KMT2E: variants seen among roughly 807,000 people sequenced by gnomAD.
The protein encoded by KMT2E is histone reader KMT2E.
KMT2E carries 30 observed loss-of-function variants against 184.6 expected under a neutral mutation model. The ratio of observed to expected loss-of-function variants is 0.16; its 90% confidence interval spans 0.12 to 0.22. KMT2E has a LOEUF of 0.22. Ranked by LOEUF, KMT2E falls within the 10% of genes least tolerant of loss-of-function variation. The pLI, the probability that KMT2E is intolerant of heterozygous loss-of-function variation, is 1.00. For synonymous variants in KMT2E, 815 were observed against 776.5 expected, an observed-to-expected ratio of 1.05 and a Z score of -0.82; for missense variants, 2,023 against 2,237.4, an observed-to-expected ratio of 0.90 and a Z score of 1.93.
At chr7:105,086,314 C>T (rs1797962069) in intron 13 of KMT2E, among the ~76,000 whole-genome samples, 2 of 152,282 alleles carry the variant, frequency 1.3e-5, no homozygotes, top group African/African-American at 4.8e-5. Context: ...AGTGGAATTG[C>T]TGGGTTGTAG....
chr7:105,081,614 T>A, intron 12 of KMT2E, 74 bp from the exon 13 acceptor site: 1 of 773,732 alleles, frequency 1.3e-6, no homozygotes, highest in South Asian at 1.5e-5. Flanking sequence ...AAAGAATAAT[T>A]TTCAAAATTG....
intron 3 of KMT2E, 36 bp downstream of exon 3, chr7:105,041,059 A>T: frequency 7.5e-7 from 1 of 1,340,168 alleles, no homozygotes; most frequent in South Asian, 1.3e-5. Context: ...GCAAAAAAAA[A>T]AAAAAAACCC....
intron 6 of KMT2E, among the ~76,000 whole-genome samples, chr7:105,072,327 A>C (rs139900827): frequency 2.0e-5 from 3 of 152,318 alleles, no homozygotes; most frequent in African/African-American, 7.2e-5. Flanking sequence ...CTCCGTCTCA[A>C]AAAACAAAAC....
chr7:105,044,038 C>T (rs778714121), intron 3 of KMT2E, among the ~76,000 whole-genome samples: 14 of 152,298 alleles, frequency 9.2e-5, no homozygotes, highest in Admixed American at 3.9e-4. Context: ...TTCCAGGCTG[C>T]AGTGAGCCAT....
At chr7:105,081,183 C>A (rs984531429) in intron 12 of KMT2E, among the ~76,000 whole-genome samples, 2 of 151,968 alleles carry the variant, frequency 1.3e-5, no homozygotes, top group Non-Finnish European at 2.9e-5. Context: ...AGATTGAGAC[C>A]ATCCTGGCTA....
chr7:105,114,380 A>AAAAT lies in KMT2E; in HGVS notation c.*1049_*1052dup, dbSNP rs1302158045. ...GAATACAAGGTACAACAACTGTTTGAAAATATGGGTAGTTTGCCCAAAACA... is the reference window on the plus strand; with the variant it reads ...GAATACAAGGTACAACAACTGTTTGAAAATAAATATGGGTAGTTTGCCCAAAACA... On this transcript the variant is annotated 3_prime_UTR_variant, in exon 27 of 27. Transcript: ENST00000311117. The AAAAT allele has an allele frequency of 9.9e-5, 15 of 152,220 alleles. No homozygotes were observed. The highest frequency in any genetic ancestry group is 3.1e-4 in the African/African-American group (13 of 41,488). 9.4% of individuals were successfully genotyped at this position (152,220 alleles called of 1,614,324 possible). A position where few individuals can be genotyped will look rare whatever the true frequency, so the allele number is the denominator to read the frequency against.
At position 105,112,351 on chromosome 7, in the gene KMT2E, G is replaced by A. The variant is rs74959149; in HGVS notation, c.4595G>A (p.Ser1532Asn). The change falls in exon 27 of 27, where the codon AGT (serine) becomes AAT (asparagine). Residue 1532 changes from serine (S) to asparagine (N), a missense_variant. Around this residue, in one of 8 missense-constraint regions of KMT2E, gnomAD observed 1,108 missense variants for 1,050.9 expected, o/e 1.05. Transcript: ENST00000311117. ...TPSGQSSATY[S>N]QFNQQSLNST... ...TCAGGACAATCTTCAGCAACATACA[G>A]TCAGTTTAACCAACAAAGTCTGAAC... 0.014 allele frequency: 23,020 copies of A among 1,613,224 alleles called. 392 individuals carry two copies. Among genetic ancestry groups the A allele is most frequent in the South Asian group, 0.062 (5,665 of 91,082 alleles).
intron 1 of KMT2E, among the ~76,000 whole-genome samples, chr7:105,033,798 C>T (rs993490508): frequency 2.6e-5 from 4 of 152,100 alleles, no homozygotes; most frequent in African/African-American, 7.2e-5. Context: ...TGCGCCCGGC[C>T]CAAAGGGTTT....
chr7:105,076,932 C>T, intron 9 of KMT2E, 31 bp from the exon 10 acceptor site: 1 of 1,158,260 alleles, frequency 8.6e-7, no homozygotes, highest in Non-Finnish European at 1.3e-6. Flanking sequence ...GTCCGTAAGT[C>T]CAGATACTAA....
At chr7:105,073,800 G>A (rs948549598) in intron 7 of KMT2E, 123 bp downstream of exon 7, 26 of 632,236 alleles carry the variant, frequency 4.1e-5, no homozygotes, top group Non-Finnish European at 4.6e-5. Flanking sequence ...GATGAATGTT[G>A]ATTGTACAGA....
chr7:105,030,425 A>G (rs1795361292), intron 1 of KMT2E, among the ~76,000 whole-genome samples: 1 of 152,258 alleles, frequency 6.6e-6, no homozygotes, highest in Admixed American at 6.5e-5. Context: ...TATGCCAACA[A>G]TAGCAAAAAA....
At chr7:105,103,420 G>A (rs1798743588) in intron 17 of KMT2E, 1 of 152,024 alleles carries the variant, frequency 6.6e-6, no homozygotes, top group South Asian at 2.1e-4. Context: ...CACTTTTTCT[G>A]TGCCAGATAC....
chr7:105,019,240 TAAATC>T (rs1794843498), intron 1 of KMT2E, among the ~76,000 whole-genome samples: 1 of 152,312 alleles, frequency 6.6e-6, no homozygotes, highest in African/African-American at 2.4e-5. Context: ...GCTTTTTACT[TAAATC>T]AGAGTCAGGA....
intron 13 of KMT2E, among the ~76,000 whole-genome samples, chr7:105,085,299 G>T (rs1797920500): frequency 6.6e-6 from 1 of 152,096 alleles, no homozygotes; most frequent in Non-Finnish European, 1.5e-5. Flanking sequence ...CTGTAATCCA[G>T]GCACACTGGG....
chr7:105,024,914 A>G (rs1455241556), intron 1 of KMT2E, among the ~76,000 whole-genome samples: 2 of 152,088 alleles, frequency 1.3e-5, no homozygotes, highest in African/African-American at 2.4e-5. Context: ...AAGATGATTC[A>G]TTGGTTTCCA....
intron 3 of KMT2E, among the ~76,000 whole-genome samples, chr7:105,048,580 C>T (rs1554384695): frequency 3.3e-5 from 5 of 151,846 alleles, no homozygotes; most frequent in Non-Finnish European, 7.4e-5. Context: ...TAAAAAAATA[C>T]GTGTGTGTTA....
chr7:105,064,196 T>TTTTTTTC (rs1796941529), intron 5 of KMT2E: 1 of 272,330 alleles, frequency 3.7e-6, no homozygotes, highest in African/African-American at 3.4e-5. Flanking sequence ...TTTTTTTGAC[T>TTTTTTTC]GGGGGGAAGG....
At chr7:105,063,161 T>C (rs925164564) in intron 4 of KMT2E, among the ~76,000 whole-genome samples, 190 bp from the exon 5 acceptor site, 1 of 152,090 alleles carries the variant, frequency 6.6e-6, no homozygotes, top group Non-Finnish European at 1.5e-5. Context: ...TAGATAGATA[T>C]ATTCACTTAC....
At chr7:105,063,968 A>G (rs1268970328) in intron 5 of KMT2E, 1 of 449,616 alleles carries the variant, frequency 2.2e-6, no homozygotes, top group Non-Finnish European at 4.4e-6. Context: ...GAAATTAAAC[A>G]TTTTCATTGA....
Sources: allele counts gnomAD v4.1 joint callset (sites outside exome capture counted in the v4.1 genomes callset), GRCh38; gene constraint gnomAD v4.1.1; regional missense constraint gnomAD v4.1.1; transcripts MANE v1.5; gene names NCBI Gene and HGNC (gene_info 2026-07-23, HGNC 2026-07-21).